The following LUZP2 variants were observed in gnomAD, a reference collection of about 807,000 sequenced individuals.
The protein encoded by LUZP2 is leucine zipper protein 2.
Under a neutral mutation model 51.6 loss-of-function variants are expected in LUZP2, and 52 were observed. That is an observed-to-expected ratio of 1.01 (90% CI 0.81 to 1.27). The LOEUF (loss-of-function observed/expected upper bound fraction) is 1.27, where lower values mean the gene tolerates loss of function less well. LUZP2 is among the 50% of genes most tolerant of loss of function. LUZP2 has a pLI of 0.00. For synonymous variants in LUZP2, 154 were observed against 137.3 expected (o/e 1.12, Z -0.85); for missense variants, 436 against 395.4 (o/e 1.10, Z -0.87).
At chr11:25,001,230 C>T (rs1416757687) in intron 9 of LUZP2, among the ~76,000 whole-genome samples, 2 of 152,204 alleles carry the variant, frequency 1.3e-5, no homozygotes, top group African/African-American at 2.4e-5. Context: ...ATGGCTCCTT[C>T]CTGATTCTGT....
At chr11:25,070,873 C>A (rs1179756976) in intron 10 of LUZP2, among the ~76,000 whole-genome samples, 1 of 150,444 alleles carries the variant, frequency 6.6e-6, no homozygotes, top group East Asian at 2.0e-4. Flanking sequence ...TTTCCTATTG[C>A]CCTTCAAACT....
intron 1 of LUZP2, among the ~76,000 whole-genome samples, chr11:24,618,162 A>T (rs1481491718): frequency 3.3e-5 from 5 of 151,996 alleles, no homozygotes; most frequent in Non-Finnish European, 5.9e-5. Context: ...TAGCCTTTTA[A>T]CCTCTGGGCA....
At chr11:24,675,888 G>T (rs12364077) in intron 1 of LUZP2, among the ~76,000 whole-genome samples, 13 of 151,036 alleles carry the variant, frequency 8.6e-5, no homozygotes, top group Admixed American at 4.0e-4. Context: ...GTGCGATCTC[G>T]GCTCACTGCA....
intron 1 of LUZP2, among the ~76,000 whole-genome samples, chr11:24,571,965 A>C (rs1237600170): frequency 6.6e-6 from 1 of 152,132 alleles, no homozygotes; most frequent in East Asian, 1.9e-4. Flanking sequence ...ATTGTGCAAG[A>C]TTGTCTTATA....
chr11:24,525,381 A>G (rs1850766845), intron 1 of LUZP2, among the ~76,000 whole-genome samples: 1 of 151,624 alleles, frequency 6.6e-6, no homozygotes, highest in Non-Finnish European at 1.5e-5. Context: ...CTCTAATTTC[A>G]TAATAGTTTT....
At chr11:24,546,005 G>A (rs1292324527) in intron 1 of LUZP2, among the ~76,000 whole-genome samples, 1 of 151,922 alleles carries the variant, frequency 6.6e-6, no homozygotes, top group Admixed American at 6.6e-5. Flanking sequence ...CACGTCCCTG[G>A]TTAGCTGTAT....
At chr11:25,067,172 T>C (rs1329072642) in intron 10 of LUZP2, among the ~76,000 whole-genome samples, 1 of 152,020 alleles carries the variant, frequency 6.6e-6, no homozygotes, top group African/African-American at 2.4e-5. Flanking sequence ...TGAGTCATTT[T>C]AAAAAGGAAC....
At chr11:24,806,122 G>A (rs1463461123) in intron 5 of LUZP2, among the ~76,000 whole-genome samples, 1 of 152,142 alleles carries the variant, frequency 6.6e-6, no homozygotes, top group Non-Finnish European at 1.5e-5. Context: ...AGTATTTCAT[G>A]GTCAAAAATC....
rs528269818 is a variant in LUZP2 at position 24,966,118 on chromosome 11, T to A, written c.523-10473T>A. On this transcript the variant is annotated intron_variant, in intron 7 of 11. Coordinates refer to ENST00000336930, the MANE Select transcript of LUZP2 (RefSeq NM_001009909.4). Reference sequence around the variant, plus strand: ...AATAATTAGGTTGAACATATTCTCATGAGCATTTTTGTATTTTGAATATAA... The same window carrying A: ...AATAATTAGGTTGAACATATTCTCAAGAGCATTTTTGTATTTTGAATATAA... 2.0e-5 allele frequency among the ~76,000 whole-genome samples: 3 copies of A among 151,936 alleles called. No individual in the cohort carries two copies. The East Asian group carries it at 5.8e-4, about 29-fold the overall frequency.
intron 1 of LUZP2, among the ~76,000 whole-genome samples, chr11:24,506,130 A>G (rs568310444): frequency 1.3e-4 from 20 of 152,226 alleles, no homozygotes; most frequent in South Asian, 6.2e-4. Context: ...TGACCTGCAG[A>G]GAATGGTCCA....
At chr11:24,624,644 G>A (rs1334113577) in intron 1 of LUZP2, among the ~76,000 whole-genome samples, 5 of 152,078 alleles carry the variant, frequency 3.3e-5, no homozygotes, top group East Asian at 1.9e-4. Flanking sequence ...TTATGGAGGT[G>A]TAAATGTATA....
intron 5 of LUZP2, among the ~76,000 whole-genome samples, chr11:24,861,818 C>A (rs1428863344): frequency 6.6e-6 from 1 of 152,214 alleles, no homozygotes; most frequent in Non-Finnish European, 1.5e-5. Flanking sequence ...GGCTGTCTGA[C>A]AACCCCTGTT....
chr11:24,764,338 T>C (rs2134035503), intron 5 of LUZP2, among the ~76,000 whole-genome samples: 1 of 151,856 alleles, frequency 6.6e-6, no homozygotes, highest in East Asian at 1.9e-4. Flanking sequence ...AAATCTAGAA[T>C]TCAACTAAGG....
chr11:24,897,384 G>T (rs77507211), intron 5 of LUZP2, among the ~76,000 whole-genome samples: 2,225 of 152,238 alleles, frequency 0.015, 37 homozygotes, highest in Non-Finnish European at 0.019. Flanking sequence ...CTTTCTTTGG[G>T]TCTGCGTTGT....
At chr11:24,837,497 T>C (rs955748573) in intron 5 of LUZP2, among the ~76,000 whole-genome samples, 1 of 151,766 alleles carries the variant, frequency 6.6e-6, no homozygotes, top group African/African-American at 2.4e-5. Flanking sequence ...ACAGTGTTTA[T>C]GGCTATAGAT....
At chr11:24,694,217 A>G (rs1857168227) in intron 1 of LUZP2, among the ~76,000 whole-genome samples, 1 of 151,948 alleles carries the variant, frequency 6.6e-6, no homozygotes. Context: ...TGGCCCATGT[A>G]GATCTCTTTG....
At chr11:24,531,546 C>G (rs1851000415) in intron 1 of LUZP2, among the ~76,000 whole-genome samples, 1 of 150,810 alleles carries the variant, frequency 6.6e-6, no homozygotes, top group African/African-American at 2.4e-5. Context: ...TTCAGCTGTA[C>G]TTGTGTATCT....
At chr11:24,563,177 T>G (rs1450306219) in intron 1 of LUZP2, among the ~76,000 whole-genome samples, 1 of 152,160 alleles carries the variant, frequency 6.6e-6, no homozygotes, top group Non-Finnish European at 1.5e-5. Flanking sequence ...GGTCTGACAA[T>G]TTCCTCTATT....
At chr11:24,555,764 C>T (rs991121452) in intron 1 of LUZP2, among the ~76,000 whole-genome samples, 2 of 152,126 alleles carry the variant, frequency 1.3e-5, no homozygotes, top group African/African-American at 4.8e-5. Context: ...CGCTTGAGTA[C>T]AGTAGTTCAA....
Sources: gnomAD v4.1 joint callset for allele counts (sites outside exome capture counted in the v4.1 genomes callset) on GRCh38, gnomAD v4.1.1 for gene constraint, MANE v1.5 for transcripts, NCBI Gene and HGNC (gene_info 2026-07-23, HGNC 2026-07-21) for gene names.